NTM: variants seen among roughly 807,000 people sequenced by gnomAD.
NTM encodes IgLON family member 2.
Under a neutral mutation model 42.1 loss-of-function variants are expected in NTM, and 13 were observed. That is an observed-to-expected ratio of 0.31 (90% CI 0.20 to 0.49). The LOEUF is 0.49. Ranked by LOEUF, NTM falls within the 20% of genes least tolerant of loss-of-function variation. The pLI is 0.99. For synonymous variants in NTM, 187 were observed against 179.2 expected (o/e 1.04, Z -0.35); for missense variants, 373 against 452.8 (o/e 0.82, Z 1.60).
At chr11:131,401,493 A>C (rs898217939) in intron 1 of NTM, among the ~76,000 whole-genome samples, 2 of 151,986 alleles carry the variant, frequency 1.3e-5, no homozygotes, top group Admixed American at 6.6e-5. Flanking sequence ...GCGTAAGTGC[A>C]GTAATATGTA....
intron 1 of NTM, among the ~76,000 whole-genome samples, chr11:131,827,607 A>C (rs1197369489): frequency 6.6e-6 from 1 of 152,202 alleles, no homozygotes; most frequent in Admixed American, 6.5e-5. Context: ...TGAAGCCATG[A>C]AACCACACTA....
chr11:131,948,646 AGGC>A (rs1178521274), intron 2 of NTM, among the ~76,000 whole-genome samples: 1 of 152,166 alleles, frequency 6.6e-6, no homozygotes, highest in Non-Finnish European at 1.5e-5. Flanking sequence ...CTGCCTGGAA[AGGC>A]CATCCTCATG....
chr11:131,651,162 C>T (rs80070315), intron 1 of NTM, among the ~76,000 whole-genome samples: 12 of 152,244 alleles, frequency 7.9e-5, no homozygotes, highest in African/African-American at 2.9e-4. Context: ...AAATTAAGCT[C>T]CTCAAATATG....
intron 7 of NTM, among the ~76,000 whole-genome samples, chr11:132,329,906 G>A (rs186483437): frequency 7.2e-5 from 11 of 152,278 alleles, no homozygotes; most frequent in African/African-American, 2.4e-4. Context: ...TCTGACTGTC[G>A]TTCACATCCT....
intron 1 of NTM, among the ~76,000 whole-genome samples, chr11:131,750,479 G>A (rs1000049195): frequency 3.3e-5 from 5 of 152,184 alleles, no homozygotes; most frequent in South Asian, 2.1e-4. Flanking sequence ...CCACCATACA[G>A]GTCTTTTTTC....
chr11:131,836,923 C>T (rs766428537), intron 1 of NTM, among the ~76,000 whole-genome samples: 41 of 152,110 alleles, frequency 2.7e-4, no homozygotes, highest in Non-Finnish European at 5.7e-4. Flanking sequence ...GTAACAAATC[C>T]ATTGTGTGAT....
intron 1 of NTM, among the ~76,000 whole-genome samples, chr11:131,737,911 A>G (rs918761601): frequency 1.2e-4 from 18 of 152,220 alleles, no homozygotes; most frequent in Non-Finnish European, 2.2e-4. Context: ...TCTGAAGTTA[A>G]ATGGTCTCTT....
chr11:131,826,503 G>C (rs1346382465), intron 1 of NTM, among the ~76,000 whole-genome samples: 1 of 151,494 alleles, frequency 6.6e-6, no homozygotes, highest in African/African-American at 2.4e-5. Context: ...AGACGGCAGT[G>C]TCCTCAGTAG....
At chr11:132,091,658 G>T (rs4936153) in intron 2 of NTM, among the ~76,000 whole-genome samples, 80,040 of 151,358 alleles carry the variant, frequency 0.53, 21,796 homozygotes, top group Middle Eastern at 0.65. Flanking sequence ...TTTTAAATTT[G>T]CTTGTATACT....
chr11:131,450,504 G>T lies in NTM; in HGVS notation c.82+79616G>T, dbSNP rs572168377. 5.9e-5 allele frequency among the ~76,000 whole-genome samples: 9 copies of T among 152,146 alleles called. No individual in the cohort carries two copies. In the East Asian group the frequency reaches 1.2e-3, roughly 20 times the overall value. On this transcript the variant is annotated intron_variant, in intron 1 of 8. Transcript: ENST00000683400. ...CAGCTTCCAAGTCAGGTCTTGGTTT[G>T]ACCCCAGGGAAGCCTCCCTGAAGTC...
At position 132,041,012 on chromosome 11, in the gene NTM, A is replaced by G. The variant is rs957260069; in HGVS notation, c.168-105270A>G. Reference sequence around the variant, plus strand: ...CCTAAGACAATTCCTGGCATCCAGTAGATGTCCAGTAAATTTTAGTTTTGT... The same window carrying G: ...CCTAAGACAATTCCTGGCATCCAGTGGATGTCCAGTAAATTTTAGTTTTGT... On this transcript the variant is annotated intron_variant, in intron 2 of 8. Coordinates refer to ENST00000683400, the MANE Select transcript of NTM (RefSeq NM_001352005.2). 3.3e-5 allele frequency among the ~76,000 whole-genome samples: 5 copies of G among 152,320 alleles called. 1 individual carries two copies. In the South Asian group the frequency reaches 8.3e-4, roughly 25 times the overall value.
At chr11:132,320,024 A>T (rs1336141068) in intron 7 of NTM, among the ~76,000 whole-genome samples, 3 of 152,228 alleles carry the variant, frequency 2.0e-5, no homozygotes, top group Non-Finnish European at 4.4e-5. Context: ...GTGGACCTCT[A>T]GCAAACTCCA....
chr11:131,588,125 C>CAGGG (rs1555158491), intron 1 of NTM, among the ~76,000 whole-genome samples: 1 of 152,216 alleles, frequency 6.6e-6, no homozygotes, highest in Non-Finnish European at 1.5e-5. Context: ...AACCGAGGCA[C>CAGGG]AGATTATTGT....
At chr11:131,943,216 C>T (rs973324322) in intron 2 of NTM, among the ~76,000 whole-genome samples, 1 of 152,114 alleles carries the variant, frequency 6.6e-6, no homozygotes, top group Non-Finnish European at 1.5e-5. Context: ...TTGCAGAGGC[C>T]GCATCTCCAC....
At chr11:131,773,337 C>T (rs1377913427) in intron 1 of NTM, among the ~76,000 whole-genome samples, 1 of 152,214 alleles carries the variant, frequency 6.6e-6, no homozygotes, top group Non-Finnish European at 1.5e-5. Context: ...CTGCTTAATA[C>T]CATTATTTTG....
intron 4 of NTM, among the ~76,000 whole-genome samples, chr11:132,218,137 G>A (rs559603039): frequency 6.6e-5 from 10 of 152,122 alleles, no homozygotes; most frequent in Admixed American, 1.3e-4. Flanking sequence ...GCCCCGTGTG[G>A]CGCTGAGATC....
chr11:131,982,002 A>C (rs1468147625), intron 2 of NTM, among the ~76,000 whole-genome samples: 1 of 151,984 alleles, frequency 6.6e-6, no homozygotes, highest in Non-Finnish European at 1.5e-5. Flanking sequence ...ACAGAGCGGG[A>C]CTCCATCTCA....
intron 4 of NTM, among the ~76,000 whole-genome samples, chr11:132,218,454 G>A (rs1302462165): frequency 1.3e-5 from 2 of 152,166 alleles, no homozygotes; most frequent in Non-Finnish European, 2.9e-5. Context: ...AGTCTTGGCT[G>A]TGCTCTGAAA....
At chr11:131,545,987 A>G (rs533932889) in intron 1 of NTM, among the ~76,000 whole-genome samples, 1 of 152,278 alleles carries the variant, frequency 6.6e-6, no homozygotes, top group Non-Finnish European at 1.5e-5. Context: ...CAGCTTAGAA[A>G]GTGGGAGGGG....
Sources: allele counts gnomAD v4.1 joint callset (sites outside exome capture counted in the v4.1 genomes callset), GRCh38; gene constraint gnomAD v4.1.1; transcripts MANE v1.5; gene names NCBI Gene and HGNC (gene_info 2026-07-23, HGNC 2026-07-21).